Variants in TENM2 observed in about 807,000 individuals in gnomAD.
TENM2 encodes teneurin-2.
Under a neutral mutation model 245.2 loss-of-function variants are expected in TENM2, and 52 were observed. The ratio of observed to expected loss-of-function variants is 0.21; its 90% confidence interval spans 0.17 to 0.27. The LOEUF (loss-of-function observed/expected upper bound fraction) is 0.27, where lower values mean the gene tolerates loss of function less well. TENM2 is among the 10% of genes least tolerant of loss of function. The pLI is 1.00. For synonymous variants in TENM2, 1,363 were observed against 1,438.9 expected, an observed-to-expected ratio of 0.95 and a Z score of 1.19; for missense variants, 3,046 against 3,666.8, an observed-to-expected ratio of 0.83 and a Z score of 4.37.
At chr5:167,247,093 T>C in the TENM2 span, among the ~76,000 whole-genome samples, 1 of 152,190 alleles carries the variant, frequency 6.6e-6, no homozygotes, top group Non-Finnish European at 1.5e-5. Flanking sequence ...ATATTACATA[T>C]TAGGCTGCAT....
At chr5:167,306,785 C>T (rs1755703295) in intron 1 of TENM2, among the ~76,000 whole-genome samples, 1 of 152,186 alleles carries the variant, frequency 6.6e-6, no homozygotes, top group Non-Finnish European at 1.5e-5. Context: ...ATAATACCCT[C>T]TTTCTCTAAC....
the TENM2 span, among the ~76,000 whole-genome samples, chr5:167,057,370 A>AT: frequency 6.6e-6 from 1 of 152,138 alleles, no homozygotes; most frequent in East Asian, 1.9e-4. Flanking sequence ...TACACTGTAT[A>AT]TTTTTTTGCC....
the TENM2 span, among the ~76,000 whole-genome samples, chr5:167,221,611 T>C: frequency 3.3e-5 from 5 of 152,148 alleles, no homozygotes; most frequent in Non-Finnish European, 7.4e-5. Context: ...ATTTATAGAA[T>C]ACCAAAAAAC....
intron 2 of TENM2, among the ~76,000 whole-genome samples, chr5:167,397,536 C>A (rs1762124230): frequency 6.6e-6 from 1 of 152,048 alleles, no homozygotes; most frequent in African/African-American, 2.4e-5. Flanking sequence ...AAAACTGACC[C>A]TTCTCATTTT....
chr5:167,805,493 G>C, intron 2 of TENM2, among the ~76,000 whole-genome samples: 1 of 152,094 alleles, frequency 6.6e-6, no homozygotes, highest in East Asian at 1.9e-4. Context: ...GCAGCTCACA[G>C]AGTGCTTCAC....
chr5:167,366,135 G>A (rs904897279), intron 1 of TENM2, among the ~76,000 whole-genome samples: 1 of 151,660 alleles, frequency 6.6e-6, no homozygotes, highest in African/African-American at 2.4e-5. Flanking sequence ...AACCAATTCA[G>A]TTAAGAAAAA....
rs375919983 is a variant in TENM2, at chr5:167,394,169, C to A, written c.502+18696C>A. On this transcript the variant is annotated intron_variant, in intron 2 of 28. Coordinates refer to ENST00000518659, the Ensembl canonical transcript of TENM2. ...TATTTTTGCTTTTATTGCTTGTGCCCGTGATGTCATGTTCAAGAAATCTTT... is the reference window on the plus strand; with the variant it reads ...TATTTTTGCTTTTATTGCTTGTGCCAGTGATGTCATGTTCAAGAAATCTTT... Among the ~76,000 whole-genome samples the A allele has an allele frequency of 3.2e-4, 49 of 152,086 alleles. No individual in the cohort carries two copies. The East Asian group carries it at 5.4e-3, about 17-fold the overall frequency.
At chr5:167,784,739 AG>A (rs1219003405) in intron 2 of TENM2, among the ~76,000 whole-genome samples, 1 of 152,200 alleles carries the variant, frequency 6.6e-6, no homozygotes, top group African/African-American at 2.4e-5. Context: ...TGTTCCAAAA[AG>A]AGGTGAAAAA....
chr5:167,877,085 T>C (rs1160915907), intron 3 of TENM2, among the ~76,000 whole-genome samples: 1 of 152,138 alleles, frequency 6.6e-6, no homozygotes, highest in African/African-American at 2.4e-5. Context: ...TTTGCAAAAA[T>C]TAATTACTCC....
intron 2 of TENM2, among the ~76,000 whole-genome samples, chr5:167,528,463 GT>G (rs1375543749): frequency 6.6e-6 from 1 of 152,038 alleles, no homozygotes; most frequent in Non-Finnish European, 1.5e-5. Flanking sequence ...CTGCGTCTGG[GT>G]AATTTCATCT....
chr5:168,118,750 C>A (rs1795267786), intron 10 of TENM2, among the ~76,000 whole-genome samples: 1 of 152,082 alleles, frequency 6.6e-6, no homozygotes, highest in Non-Finnish European at 1.5e-5. Flanking sequence ...CTTTGTTTTT[C>A]TCTTTAAATT....
chr5:167,900,449 T>G (rs1775612433), intron 3 of TENM2, among the ~76,000 whole-genome samples: 1 of 152,192 alleles, frequency 6.6e-6, no homozygotes, highest in Admixed American at 6.5e-5. Flanking sequence ...CATGAGGACC[T>G]CTCTGTTTGT....
rs1255820434 is a variant in TENM2 at position 167,371,372 on chromosome 5, T to G, written c.227-3826T>G. On this transcript the variant is annotated intron_variant, in intron 1 of 28. Transcript: ENST00000518659. ...TTCTTTCTTTTCTTTTTTTTTTTTT[T>G]GAAACGGAGTTTCGCTCTTGTTGCC... is the stretch of plus-strand genomic sequence containing the variant. 3.3e-5 allele frequency among the ~76,000 whole-genome samples: 5 copies of G among 150,684 alleles called. 1 individual carries two copies. The highest frequency in any genetic ancestry group is 7.4e-5 in the Non-Finnish European group (5 of 67,708).
chr5:167,139,551 G>A, the TENM2 span, among the ~76,000 whole-genome samples: 1 of 152,140 alleles, frequency 6.6e-6, no homozygotes, highest in Non-Finnish European at 1.5e-5. Flanking sequence ...GCCTATAATG[G>A]TCTTGGTAAA....
At chr5:167,258,217 A>G in the TENM2 span, among the ~76,000 whole-genome samples, 475 of 134,688 alleles carry the variant, frequency 3.5e-3, 2 homozygotes, top group East Asian at 0.017. Context: ...ATATATATGT[A>G]TATATATATG....
intron 2 of TENM2, among the ~76,000 whole-genome samples, chr5:167,488,252 G>C (rs974335512): frequency 2.0e-5 from 3 of 152,088 alleles, no homozygotes; most frequent in Admixed American, 6.6e-5. Context: ...TGCTAAAAAT[G>C]ACCCTAACTC....
chr5:167,153,666 AAT>A, the TENM2 span, among the ~76,000 whole-genome samples: 32 of 148,678 alleles, frequency 2.2e-4, no homozygotes, highest in South Asian at 6.4e-4. Flanking sequence ...TATGGCTTTA[AAT>A]ATATATATAT....
intron 4 of TENM2, among the ~76,000 whole-genome samples, chr5:167,958,966 G>A (rs1047244708): frequency 6.6e-6 from 1 of 152,068 alleles, no homozygotes; most frequent in African/African-American, 2.4e-5. Flanking sequence ...TCTTGGGGTT[G>A]CTCTTCTCAA....
At chr5:167,612,460 G>A (rs2127752381) in intron 2 of TENM2, among the ~76,000 whole-genome samples, 1 of 152,110 alleles carries the variant, frequency 6.6e-6, no homozygotes, top group African/African-American at 2.4e-5. Flanking sequence ...GCTCAGGAAT[G>A]TGACCCTGTG....
Sources: gnomAD v4.1 joint callset for allele counts (sites outside exome capture counted in the v4.1 genomes callset) on GRCh38, gnomAD v4.1.1 for gene constraint, MANE v1.5 for transcripts, NCBI Gene and HGNC (gene_info 2026-07-23, HGNC 2026-07-21) for gene names.